USP46: variants seen among roughly 807,000 people sequenced by gnomAD.
USP46 encodes the protein ubiquitin carboxyl-terminal hydrolase 46.
Under a neutral mutation model 44.4 loss-of-function variants are expected in USP46, and 12 were observed. The observed-to-expected ratio is 0.27, with a 90% CI of 0.17 to 0.44. The LOEUF is 0.44. Ranked by LOEUF, USP46 falls within the 20% of genes least tolerant of loss-of-function variation. The pLI is 1.00. For synonymous variants in USP46, 155 were observed against 161.5 expected (o/e 0.96, Z 0.31); for missense variants, 248 against 444.8 (o/e 0.56, Z 3.98).
At chr4:52,605,124 A>G (rs573037123) in intron 5 of USP46, among the ~76,000 whole-genome samples, 1 of 152,102 alleles carries the variant, frequency 6.6e-6, no homozygotes, top group Non-Finnish European at 1.5e-5. Context: ...TGAAATTTAA[A>G]CCACATACAA....
intron 6 of USP46, among the ~76,000 whole-genome samples, 172 bp from the exon 7 acceptor site, chr4:52,602,226 T>C (rs1716498888): frequency 6.6e-6 from 1 of 152,238 alleles, no homozygotes; most frequent in African/African-American, 2.4e-5. Context: ...AGCTGACTTA[T>C]CCTACATCCC....
rs1444652120 is a variant in USP46, at chr4:52,596,527, T to A, written c.*1113A>T. ...GCGCCATTTTGTTCATTCCTCCCCC[T>A]GCCCACGGACACTTCCTTTGAGCCA... On this transcript the variant is annotated 3_prime_UTR_variant, in exon 9 of 9. Coordinates refer to ENST00000441222, the MANE Select transcript of USP46 (RefSeq NM_022832.4). 1 of 152,138 alleles carries A rather than the reference T, an allele frequency of 6.6e-6. No individual in the cohort carries two copies. Among genetic ancestry groups the A allele is most frequent in the African/African-American group, 2.4e-5 (1 of 41,382 alleles). 9.4% of individuals were successfully genotyped at this position (152,138 alleles called of 1,614,324 possible). A position where few individuals can be genotyped will look rare whatever the true frequency, so the allele number is the denominator to read the frequency against.
chr4:52,602,958 T>C (rs976170153), intron 6 of USP46, among the ~76,000 whole-genome samples: 4 of 152,236 alleles, frequency 2.6e-5, no homozygotes, highest in African/African-American at 9.6e-5. Flanking sequence ...TCCAGTTACC[T>C]TCCAGCCCCC....
chr4:52,610,637 C>T lies in USP46; in HGVS notation c.562-20G>A, dbSNP rs1174911366. On this transcript the variant is annotated intron_variant, in intron 4 of 8. Transcript: ENST00000441222. ...ACTAACCTGAAACAAAAAACAGAAA[C>T]AATATATTAGGCATGAAATATGTAG... 2.5e-6 allele frequency: 4 copies of T among 1,610,988 alleles called. No individual in the cohort carries two copies. Among genetic ancestry groups the T allele is most frequent in the Non-Finnish European group, 3.4e-6 (4 of 1,177,742 alleles).
chr4:52,592,120 C>A lies in USP46; in HGVS notation c.*5520G>T, dbSNP rs1716043319. ...TGTGCTGAATTGCAAGGAGTTTCCC[C>A]CACACGTGTTATTTCCACAACTTAA... On this transcript the variant is annotated 3_prime_UTR_variant, in exon 9 of 9. Transcript: ENST00000441222. 1.3e-5 allele frequency: 2 copies of A among 152,148 alleles called. No individual in the cohort carries two copies. Among genetic ancestry groups the A allele is most frequent in the African/African-American group, 4.8e-5 (2 of 41,422 alleles). The allele number at this position is 152,148 out of a possible 1,614,324, so 9.4% of individuals were successfully genotyped here. A position where few individuals can be genotyped will look rare whatever the true frequency, so the allele number is the denominator to read the frequency against.
At chr4:52,633,012 AAG>A (rs1378650625) in intron 1 of USP46, among the ~76,000 whole-genome samples, 3 of 145,878 alleles carry the variant, frequency 2.1e-5, no homozygotes, top group Admixed American at 6.8e-5. Context: ...GAAAGAAAGA[AAG>A]AAAGAAAGAA....
intron 1 of USP46, among the ~76,000 whole-genome samples, chr4:52,654,247 T>A (rs757083962): frequency 2.0e-5 from 3 of 152,226 alleles, no homozygotes; most frequent in African/African-American, 7.2e-5. Flanking sequence ...GACCCTCATA[T>A]GACTTTACAC....
At chr4:52,636,015 G>A (rs538272611) in intron 1 of USP46, among the ~76,000 whole-genome samples, 1 of 152,132 alleles carries the variant, frequency 6.6e-6, no homozygotes, top group Non-Finnish European at 1.5e-5. Flanking sequence ...TCCATAACTA[G>A]AAAATACATG....
At chr4:52,622,218 T>C (rs1717403728) in intron 4 of USP46, among the ~76,000 whole-genome samples, 1 of 152,250 alleles carries the variant, frequency 6.6e-6, no homozygotes, top group Non-Finnish European at 1.5e-5. Context: ...TTCAAAGTTA[T>C]TGTTAATGTT....
At chr4:52,608,117 C>T (rs1161546830) in intron 5 of USP46, among the ~76,000 whole-genome samples, 2 of 152,132 alleles carry the variant, frequency 1.3e-5, no homozygotes, top group Non-Finnish European at 2.9e-5. Context: ...AGAAAACACA[C>T]TTTGGGAACA....
At chr4:52,599,084 C>A (rs1406621185) in intron 7 of USP46, among the ~76,000 whole-genome samples, 2 of 152,158 alleles carry the variant, frequency 1.3e-5, no homozygotes, top group Non-Finnish European at 2.9e-5. Context: ...ATTGGCAATA[C>A]ACAAACTAAA....
At chr4:52,640,151 A>C (rs1718279088) in intron 1 of USP46, among the ~76,000 whole-genome samples, 1 of 152,170 alleles carries the variant, frequency 6.6e-6, no homozygotes, top group South Asian at 2.1e-4. Context: ...TTAAAAAGTA[A>C]AGTTACCCTA....
At chr4:52,598,751 C>T in intron 7 of USP46, 45 bp from the exon 8 acceptor site, 1 of 1,537,276 alleles carries the variant, frequency 6.5e-7, no homozygotes, top group Non-Finnish European at 8.9e-7. Flanking sequence ...TAACATTTAT[C>T]TCTTTATAAA....
At chr4:52,614,035 C>G (rs918912540) in intron 4 of USP46, among the ~76,000 whole-genome samples, 2 of 151,940 alleles carry the variant, frequency 1.3e-5, no homozygotes, top group African/African-American at 4.8e-5. Context: ...AATTCTGGAA[C>G]TGAAAAACAC....
At chr4:52,636,923 C>T (rs533296211) in intron 1 of USP46, among the ~76,000 whole-genome samples, 1 of 151,858 alleles carries the variant, frequency 6.6e-6, no homozygotes, top group African/African-American at 2.4e-5. Context: ...GATCCTCCCA[C>T]CTCAGCCTTC....
At chr4:52,655,545 T>C (rs1270165895) in intron 1 of USP46, 2 of 152,224 alleles carry the variant, frequency 1.3e-5, no homozygotes, top group Non-Finnish European at 2.9e-5. Flanking sequence ...GCTCTTCAAA[T>C]AGGAAACTTA....
rs2109582375 is a variant in USP46 at position 52,592,546 on chromosome 4, G to A, written c.*5094C>T. On this transcript the variant is annotated 3_prime_UTR_variant, in exon 9 of 9. Coordinates refer to ENST00000441222, the MANE Select transcript of USP46 (RefSeq NM_022832.4). ...GACTGAGTTCTCACGAGATCTGGTT[G>A]TTTAAAAGTGTGTAACCCCAGCCGA... 1 of 212,476 alleles carries A rather than the reference G, an allele frequency of 4.7e-6. No individual in the cohort carries two copies. Among genetic ancestry groups the A allele is most frequent in the South Asian group, 1.9e-4 (1 of 5,336 alleles). The allele number at this position is 212,476 out of a possible 1,614,324, so 13.2% of individuals were successfully genotyped here.
intron 1 of USP46, among the ~76,000 whole-genome samples, chr4:52,645,359 G>A (rs1480616262): frequency 2.6e-5 from 4 of 152,098 alleles, no homozygotes; most frequent in African/African-American, 9.7e-5. Flanking sequence ...ATTCTAGCAA[G>A]GAGCATTAAA....
intron 2 of USP46, chr4:52,629,598 T>C (rs1244471026): frequency 2.2e-6 from 1 of 456,248 alleles, no homozygotes; most frequent in Non-Finnish European, 4.4e-6. Flanking sequence ...TTAGCTTTCC[T>C]CCTTCCATTT....
Sources: allele counts gnomAD v4.1 joint callset (sites outside exome capture counted in the v4.1 genomes callset), GRCh38; gene constraint gnomAD v4.1.1; transcripts MANE v1.5; gene names NCBI Gene and HGNC (gene_info 2026-07-23, HGNC 2026-07-21).